HTR1F: variants seen among roughly 807,000 people sequenced by gnomAD.
The protein encoded by HTR1F is 5-hydroxytryptamine (serotonin) receptor 1F, G protein-coupled.
Under a neutral mutation model 24.0 loss-of-function variants are expected in HTR1F, and 17 were observed. The observed-to-expected ratio is 0.71, with a 90% CI of 0.48 to 1.06. The LOEUF (loss-of-function observed/expected upper bound fraction) is 1.06. HTR1F is among the 50% of genes least tolerant of loss of function. The probability of loss-of-function intolerance (pLI) is 0.00; values close to 1 mark genes in which losing one functional copy is unlikely to be tolerated. For missense variants in HTR1F, 391 were observed against 427.8 expected (o/e 0.91, Z 0.76); for synonymous variants, 186 against 156.8 (o/e 1.19, Z -1.39).
At chr3:87,860,707 T>C (rs547689267) in intron 2 of HTR1F, among the ~76,000 whole-genome samples, 1 of 152,202 alleles carries the variant, frequency 6.6e-6, no homozygotes, top group Non-Finnish European at 1.5e-5. Flanking sequence ...TCAGTCATAG[T>C]TCAGCATTCA....
chr3:87,923,029 AT>A (rs1704045277), intron 2 of HTR1F, among the ~76,000 whole-genome samples: 1 of 140,504 alleles, frequency 7.1e-6, no homozygotes, highest in Admixed American at 7.0e-5. Context: ...AGACTGTCCC[AT>A]CCCCAGTGCA....
intron 2 of HTR1F, among the ~76,000 whole-genome samples, chr3:87,936,783 C>T (rs1202261966): frequency 6.6e-6 from 1 of 151,926 alleles, no homozygotes; most frequent in Non-Finnish European, 1.5e-5. Flanking sequence ...TGTTTACTAC[C>T]CACTAGGAGA....
chr3:87,953,311 A>G (rs1265647406), intron 2 of HTR1F, among the ~76,000 whole-genome samples: 1 of 151,416 alleles, frequency 6.6e-6, no homozygotes, highest in Non-Finnish European at 1.5e-5. Context: ...TTATGTGACA[A>G]GAGATTAATA....
At chr3:87,886,386 A>G (rs1705943447) in intron 2 of HTR1F, among the ~76,000 whole-genome samples, 1 of 152,222 alleles carries the variant, frequency 6.6e-6, no homozygotes, top group African/African-American at 2.4e-5. Context: ...CCAGTATCAT[A>G]CTGAATGGGC....
chr3:87,891,912 G>A (rs369116781), intron 2 of HTR1F, among the ~76,000 whole-genome samples: 22 of 152,176 alleles, frequency 1.4e-4, no homozygotes, highest in African/African-American at 5.3e-4. Context: ...AATGCCAGGA[G>A]TGGGAGAAAC....
intron 2 of HTR1F, among the ~76,000 whole-genome samples, chr3:87,918,080 A>G (rs563467410): frequency 6.6e-6 from 1 of 152,232 alleles, no homozygotes; most frequent in South Asian, 2.1e-4. Context: ...AAGTCAATAA[A>G]TATGATATAC....
chr3:87,869,028 A>C (rs535459433), intron 2 of HTR1F, among the ~76,000 whole-genome samples: 1 of 152,056 alleles, frequency 6.6e-6, no homozygotes, highest in African/African-American at 2.4e-5. Flanking sequence ...GCTATTATAC[A>C]TGTGCCGTTC....
At chr3:87,812,472 G>T (rs1192099396) in intron 1 of HTR1F, among the ~76,000 whole-genome samples, 1 of 152,002 alleles carries the variant, frequency 6.6e-6, no homozygotes, top group East Asian at 1.9e-4. Flanking sequence ...TGAGAGAGAG[G>T]ATCTGAAATA....
intron 2 of HTR1F, among the ~76,000 whole-genome samples, chr3:87,920,017 A>G (rs936680573): frequency 1.6e-5 from 2 of 122,698 alleles, no homozygotes; most frequent in African/African-American, 6.5e-5. Context: ...TGGGAGAGAT[A>G]TATATGTAAT....
Position 87,889,229 on chromosome 3 carries a change from C to A in HTR1F, c.-43+67105C>A, listed in dbSNP as rs183951399. ...GTCTTAAACTTTCCAGCCAGCAGAACCATAAGTTAAATAAACCTCTCTTAT... is the reference window on the plus strand; with the variant it reads ...GTCTTAAACTTTCCAGCCAGCAGAAACATAAGTTAAATAAACCTCTCTTAT... On this transcript the variant is annotated intron_variant, in intron 2 of 2. Transcript: ENST00000319595. Among the ~76,000 whole-genome samples the A allele has an allele frequency of 2.6e-5, 4 of 152,204 alleles. 1 individual carries two copies. Among genetic ancestry groups the A allele is most frequent in the African/African-American group, 9.6e-5 (4 of 41,538 alleles).
intron 2 of HTR1F, among the ~76,000 whole-genome samples, chr3:87,925,809 C>G (rs1430082711): frequency 6.6e-6 from 1 of 152,116 alleles, no homozygotes; most frequent in Non-Finnish European, 1.5e-5. Context: ...TCCCCTTTAC[C>G]ATTTCTCTAC....
At chr3:87,843,679 TCCCCC>T (rs1704864095) in intron 2 of HTR1F, among the ~76,000 whole-genome samples, 2 of 57,112 alleles carry the variant, frequency 3.5e-5, no homozygotes, top group African/African-American at 1.0e-4. Context: ...TCCCTCCCCC[TCCCCC>T]ACCCCACAAC....
intron 2 of HTR1F, among the ~76,000 whole-genome samples, chr3:87,844,500 T>C (rs1205568556): frequency 7.3e-6 from 1 of 136,530 alleles, no homozygotes; most frequent in East Asian, 2.0e-4. Context: ...CTGATGGTAG[T>C]TTGTTTTGCT....
At chr3:87,832,955 CA>C (rs1264223663) in intron 2 of HTR1F, among the ~76,000 whole-genome samples, 11 of 152,136 alleles carry the variant, frequency 7.2e-5, no homozygotes, top group African/African-American at 2.7e-4. Flanking sequence ...ACTGGTGTAA[CA>C]GGACTTACGT....
At chr3:87,883,494 G>T (rs934818887) in intron 2 of HTR1F, among the ~76,000 whole-genome samples, 2 of 152,152 alleles carry the variant, frequency 1.3e-5, no homozygotes, top group Admixed American at 1.3e-4. Context: ...ACAGAAGAAG[G>T]CTTCAGAAGG....
At chr3:87,953,058 T>C (rs1288544467) in intron 2 of HTR1F, among the ~76,000 whole-genome samples, 1 of 151,834 alleles carries the variant, frequency 6.6e-6, no homozygotes, top group African/African-American at 2.4e-5. Context: ...TGTATTAATG[T>C]ATTAAAGACT....
intron 2 of HTR1F, among the ~76,000 whole-genome samples, chr3:87,970,253 A>G (rs1487003888): frequency 6.6e-6 from 1 of 152,214 alleles, no homozygotes; most frequent in African/African-American, 2.4e-5. Context: ...AACAGCTAGA[A>G]CAATAGTTCT....
intron 2 of HTR1F, among the ~76,000 whole-genome samples, chr3:87,880,638 G>GTTTT: frequency 7.2e-6 from 1 of 138,172 alleles, no homozygotes; most frequent in African/African-American, 2.9e-5. Flanking sequence ...AAATGTGTGT[G>GTTTT]TGTTTGTTTG....
At chr3:87,817,190 A>G (rs1704264948) in intron 1 of HTR1F, among the ~76,000 whole-genome samples, 1 of 152,144 alleles carries the variant, frequency 6.6e-6, no homozygotes, top group Admixed American at 6.6e-5. Flanking sequence ...AAAAAGTATC[A>G]ACTTTGCTGA....
Sources: gnomAD v4.1 joint callset for allele counts (sites outside exome capture counted in the v4.1 genomes callset) on GRCh38, gnomAD v4.1.1 for gene constraint, MANE v1.5 for transcripts, NCBI Gene and HGNC (gene_info 2026-07-23, HGNC 2026-07-21) for gene names.